The following ARHGAP24 variants were observed in gnomAD, a reference collection of about 807,000 sequenced individuals.
ARHGAP24 encodes rho GTPase-activating protein 24.
In ARHGAP24, 50 loss-of-function variants were observed where a neutral mutation model predicts 76.4. The ratio of observed to expected loss-of-function variants is 0.65; its 90% CI spans 0.52 to 0.83. The LOEUF (loss-of-function observed/expected upper bound fraction) is 0.83. Among genes scored for constraint, ARHGAP24 ranks in the 40% least tolerant of loss-of-function variants. The probability of loss-of-function intolerance (pLI) is 0.00; values close to 1 mark genes in which losing one functional copy is unlikely to be tolerated. For missense variants in ARHGAP24, 930 were observed against 914.2 expected (o/e 1.02, Z -0.22); for synonymous variants, 345 against 323.3 (o/e 1.07, Z -0.72).
chr4:85,518,171 A>C (rs888122518), intron 1 of ARHGAP24, among the ~76,000 whole-genome samples: 1 of 152,140 alleles, frequency 6.6e-6, no homozygotes, highest in Non-Finnish European at 1.5e-5. Flanking sequence ...AGGAAGAAGC[A>C]AAATAATATG....
At position 85,516,852 on chromosome 4, in the gene ARHGAP24, C is replaced by T. The variant is rs181857538; in HGVS notation, c.-21+41293C>T. Among the ~76,000 whole-genome samples the T allele has an allele frequency of 1.6e-4, 25 of 152,168 alleles. 1 individual carries two copies. In the East Asian group the frequency reaches 4.6e-3, roughly 28 times the overall value. ...CTTGGATCTGGATTATAAGTCATAG[C>T]TGTAAGGGCTTTCCTGTAATTATGT... On this transcript the variant is annotated intron_variant, in intron 1 of 9. Coordinates refer to ENST00000395184, the MANE Select transcript of ARHGAP24 (RefSeq NM_001025616.3).
At chr4:85,685,382 C>T (rs983457255) in intron 2 of ARHGAP24, among the ~76,000 whole-genome samples, 1 of 152,034 alleles carries the variant, frequency 6.6e-6, no homozygotes, top group Non-Finnish European at 1.5e-5. Context: ...CCTGTAATCC[C>T]AGCACTTTGG....
In ARHGAP24 at chr4:85,583,725, T is replaced by A. The variant is rs564512043; in HGVS notation, c.180+13004T>A. Reference sequence around the variant, plus strand: ...AAGGGCTAATATCCAGAATCTACAATGAACTCAAACAAATTTACAAGAAAA... The same window carrying A: ...AAGGGCTAATATCCAGAATCTACAAAGAACTCAAACAAATTTACAAGAAAA... On this transcript the variant is annotated intron_variant, in intron 2 of 9. Transcript: ENST00000395184. 5.5e-5 allele frequency among the ~76,000 whole-genome samples: 8 copies of A among 145,894 alleles called. No homozygotes were observed. In the South Asian group the frequency reaches 6.5e-4, roughly 12 times the overall value.
At chr4:85,992,882 A>AACTTTATCT (rs1289752834) in intron 8 of ARHGAP24, among the ~76,000 whole-genome samples, 2 of 152,158 alleles carry the variant, frequency 1.3e-5, no homozygotes, top group African/African-American at 4.8e-5. Flanking sequence ...TTTATCTTTA[A>AACTTTATCT]AACTATCCCA....
chr4:85,505,349 C>T (rs1724001804), intron 1 of ARHGAP24, among the ~76,000 whole-genome samples: 1 of 152,238 alleles, frequency 6.6e-6, no homozygotes, highest in Non-Finnish European at 1.5e-5. Context: ...CTGTCACTTT[C>T]AGGTACACCA....
intron 2 of ARHGAP24, among the ~76,000 whole-genome samples, chr4:85,645,363 T>C (rs563481441): frequency 1.3e-5 from 2 of 152,256 alleles, no homozygotes; most frequent in East Asian, 1.9e-4. Context: ...CTCTTTTCTT[T>C]TCTTTAGGCT....
intron 5 of ARHGAP24, among the ~76,000 whole-genome samples, chr4:85,944,650 C>T (rs1737149109): frequency 6.6e-6 from 1 of 151,940 alleles, no homozygotes; most frequent in Non-Finnish European, 1.5e-5. Context: ...TCTGGGGCCT[C>T]TTTTTTAAAA....
At chr4:85,994,462 G>A (rs1411679923) in intron 8 of ARHGAP24, 121 bp from the exon 9 acceptor site, 37 of 978,488 alleles carry the variant, frequency 3.8e-5, no homozygotes, top group Non-Finnish European at 8.2e-6. Context: ...TTAAGAATAT[G>A]GTTTGGTACT....
intron 2 of ARHGAP24, among the ~76,000 whole-genome samples, chr4:85,633,758 C>A (rs1451161714): frequency 6.6e-6 from 1 of 151,730 alleles, no homozygotes; most frequent in Non-Finnish European, 1.5e-5. Flanking sequence ...ACTTTTAGGG[C>A]AGGTATAGCT....
At chr4:85,567,186 A>T (rs1251595192) in intron 1 of ARHGAP24, among the ~76,000 whole-genome samples, 2 of 152,208 alleles carry the variant, frequency 1.3e-5, no homozygotes, top group African/African-American at 4.8e-5. Flanking sequence ...TCTGATTTGA[A>T]TCTTTAAAAG....
chr4:85,842,235 G>A (rs1037876913), intron 3 of ARHGAP24, among the ~76,000 whole-genome samples: 1 of 152,110 alleles, frequency 6.6e-6, no homozygotes, highest in Non-Finnish European at 1.5e-5. Flanking sequence ...TAAGGCCTTT[G>A]TTCACTTTAC....
At chr4:85,860,462 T>C (rs550537444) in intron 3 of ARHGAP24, among the ~76,000 whole-genome samples, 2 of 152,220 alleles carry the variant, frequency 1.3e-5, no homozygotes, top group East Asian at 3.9e-4. Context: ...TTAGGATCCA[T>C]ATGGCAGAAT....
chr4:85,741,258 C>A (rs1478139380), intron 3 of ARHGAP24, among the ~76,000 whole-genome samples: 1 of 152,120 alleles, frequency 6.6e-6, no homozygotes, highest in Admixed American at 6.5e-5. Context: ...ATATTAAGAT[C>A]ATACTAGAGA....
intron 3 of ARHGAP24, among the ~76,000 whole-genome samples, chr4:85,840,038 T>TC (rs1168776800): frequency 7.3e-6 from 1 of 136,110 alleles, no homozygotes; most frequent in Non-Finnish European, 1.6e-5. Flanking sequence ...TTTTTTTTTT[T>TC]GTATTTTTAG....
At chr4:85,769,369 G>A (rs1342078991) in intron 3 of ARHGAP24, among the ~76,000 whole-genome samples, 1 of 152,050 alleles carries the variant, frequency 6.6e-6, no homozygotes, top group South Asian at 2.1e-4. Context: ...TAAATCTGAG[G>A]GTTTAAGGAT....
intron 2 of ARHGAP24, among the ~76,000 whole-genome samples, chr4:85,656,205 T>C (rs1722162974): frequency 6.6e-6 from 1 of 152,148 alleles, no homozygotes; most frequent in Admixed American, 6.6e-5. Context: ...TTCTGAAATG[T>C]ATTTAAAAAC....
chr4:85,621,708 G>A lies in ARHGAP24; in HGVS notation c.180+50987G>A, dbSNP rs542230030. On this transcript the variant is annotated intron_variant, in intron 2 of 9. Coordinates refer to ENST00000395184, the MANE Select transcript of ARHGAP24 (RefSeq NM_001025616.3). ...GTTTGAAAATATTTTCTCCCATTCT[G>A]TAGGTTATCTTTCTACTCTGTTGAC... Among the ~76,000 whole-genome samples the A allele has an allele frequency of 1.2e-4, 18 of 152,118 alleles. 1 individual carries two copies. In the South Asian group the frequency reaches 3.3e-3, roughly 28 times the overall value.
chr4:85,997,628 G>GTTTCCAACTT (rs1553952447), intron 9 of ARHGAP24, among the ~76,000 whole-genome samples: 4 of 150,900 alleles, frequency 2.7e-5, no homozygotes, highest in Non-Finnish European at 5.9e-5. Context: ...CTCCAAATTG[G>GTTTCCAACTT]TTTCTAACTT....
intron 2 of ARHGAP24, among the ~76,000 whole-genome samples, chr4:85,600,942 G>A (rs1720007894): frequency 6.6e-6 from 1 of 152,138 alleles, no homozygotes; most frequent in African/African-American, 2.4e-5. Context: ...TTTTCCAGAA[G>A]TCTCATTGGC....
Sources: allele counts gnomAD v4.1 joint callset (sites outside exome capture counted in the v4.1 genomes callset), GRCh38; gene constraint gnomAD v4.1.1; transcripts MANE v1.5; gene names NCBI Gene and HGNC (gene_info 2026-07-23, HGNC 2026-07-21).